RBM25: variants seen among roughly 807,000 people sequenced by gnomAD.
RBM25 encodes RNA-binding protein 25.
Under a neutral mutation model 120.7 loss-of-function variants are expected in RBM25, and 19 were observed. The ratio of observed to expected loss-of-function variants is 0.16; its 90% CI spans 0.11 to 0.23. The LOEUF (loss-of-function observed/expected upper bound fraction) is 0.23, where lower values mean the gene tolerates loss of function less well. Among genes scored for constraint, RBM25 ranks in the 10% least tolerant of loss-of-function variants. RBM25 has a pLI of 1.00. For missense variants in RBM25, 605 were observed against 1,041.5 expected, an observed-to-expected ratio of 0.58 and a Z score of 5.77; for synonymous variants, 390 against 326.7, an observed-to-expected ratio of 1.19 and a Z score of -2.09.
intron 4 of RBM25, among the ~76,000 whole-genome samples, chr14:73,078,984 A>G (rs1895492120): frequency 6.6e-6 from 1 of 152,272 alleles, no homozygotes; most frequent in East Asian, 1.9e-4. Flanking sequence ...TGATTGACTG[A>G]TTCCTTTTAA....
In RBM25 at chr14:73,071,759, G is replaced by A; in HGVS notation, c.106+12G>A. The A allele has an allele frequency of 1.9e-6, 3 of 1,588,460 alleles. No individual in the cohort carries two copies. The highest frequency in any genetic ancestry group is 2.6e-6 in the Non-Finnish European group (3 of 1,157,130). On this transcript the variant is annotated intron_variant, in intron 2 of 18. Transcript: ENST00000261973. ...ACCTGTACCTCCAGGTAAGTTTGTT[G>A]ATACTGTTTTTTGTCGTTAAACTTG...
chr14:73,103,797 G>T (rs1345804327), intron 10 of RBM25, among the ~76,000 whole-genome samples: 1 of 151,758 alleles, frequency 6.6e-6, no homozygotes, highest in Non-Finnish European at 1.5e-5. Context: ...CAAGTGATCC[G>T]CCTGCCTCAG....
chr14:73,078,180 G>A (rs1320784931), intron 4 of RBM25, among the ~76,000 whole-genome samples: 2 of 152,086 alleles, frequency 1.3e-5, no homozygotes, highest in African/African-American at 4.8e-5. Flanking sequence ...GCGTGTGCCT[G>A]TAATCTCAGC....
intron 1 of RBM25, chr14:73,068,677 T>G: frequency 8.9e-6 from 3 of 338,224 alleles, no homozygotes; most frequent in South Asian, 7.8e-5. Context: ...CACGCTTCCT[T>G]GGCTGGACTG....
intron 9 of RBM25, 139 bp downstream of exon 9, chr14:73,099,889 AAAG>A: frequency 1.6e-6 from 2 of 1,277,644 alleles, no homozygotes; most frequent in East Asian, 5.7e-5. Flanking sequence ...TAGATAGAAA[AAAG>A]AAACAGAAGA....
intron 9 of RBM25, chr14:73,101,271 T>C (rs993548960): frequency 6.6e-6 from 1 of 152,342 alleles, no homozygotes; most frequent in Non-Finnish European, 1.5e-5. Flanking sequence ...CTTTGCATGT[T>C]TTGGTATGAG....
In RBM25 at chr14:73,109,486, C is replaced by T; in HGVS notation, c.1686C>T (p.Leu562=). ...GGCATCCAGATCCAGATGCAGAGCT[C>T]CAGAGGGTAAGATACTGTACCATCT... ...AEGHPDPDAE[L]QRMEQEAERR... The change falls in exon 14 of 19, where the codon CTC becomes CTT. Residue 562 remains leucine (L), a synonymous_variant. Transcript: ENST00000261973. The T allele has an allele frequency of 1.2e-6, 2 of 1,613,916 alleles. No individual in the cohort carries two copies. Among genetic ancestry groups the T allele is most frequent in the Non-Finnish European group, 1.7e-6 (2 of 1,179,870 alleles).
intron 1 of RBM25, among the ~76,000 whole-genome samples, chr14:73,067,034 G>A (rs1200500458): frequency 1.3e-5 from 2 of 151,580 alleles, no homozygotes; most frequent in Non-Finnish European, 2.9e-5. Flanking sequence ...AGTTTTCAGG[G>A]ATGATTTTGG....
intron 9 of RBM25, chr14:73,101,175 A>G (rs1214060805): frequency 1.3e-5 from 2 of 152,172 alleles, no homozygotes; most frequent in African/African-American, 2.4e-5. Flanking sequence ...AATCAAAATG[A>G]AAAACCAAAA....
chr14:73,070,292 G>C (rs1190574541), intron 1 of RBM25, among the ~76,000 whole-genome samples: 2 of 151,960 alleles, frequency 1.3e-5, no homozygotes. Flanking sequence ...CCTGACCTCA[G>C]GTTTTCCACC....
chr14:73,082,269 C>CT lies in RBM25; in HGVS notation c.325-1217dup, dbSNP rs527793073. Among the ~76,000 whole-genome samples, 337 of 151,994 alleles carry CT rather than the reference C, an allele frequency of 2.2e-3. 1 individual carries two copies. The highest frequency in any genetic ancestry group is 7.6e-3 in the African/African-American group (317 of 41,462). ...CTCACCTACACCCTCCTCCTTCTGT[C>CT]TTTTTTTTAACTGGATGGAACTTTA... On this transcript the variant is annotated intron_variant, in intron 4 of 18. Coordinates refer to ENST00000261973, the MANE Select transcript of RBM25 (RefSeq NM_021239.3).
In RBM25 at chr14:73,115,188, GTTT is replaced by G. The variant is rs1555347334; in HGVS notation, c.2439+857_2439+859del. The stretch of plus-strand genomic sequence containing the variant: ...TGTGTGTGTGTGTGTGTGTGTGTGT[GTTT>G]TAAGTCGGATACATGTGCAGGTTTG... On this transcript the variant is annotated intron_variant, in intron 18 of 18. Transcript: ENST00000261973. Among the ~76,000 whole-genome samples, 997 of 143,026 alleles carry G rather than the reference GTTT, an allele frequency of 7.0e-3. 4 individuals are homozygous for G. The highest frequency in any genetic ancestry group is 0.011 in the Non-Finnish European group (728 of 64,746). 93.8% of individuals were successfully genotyped at this position (143,026 alleles called of 152,430 possible).
intron 1 of RBM25, among the ~76,000 whole-genome samples, chr14:73,061,676 C>T (rs747660456): frequency 6.6e-6 from 1 of 151,176 alleles, no homozygotes; most frequent in Admixed American, 6.6e-5. Context: ...AAGCAATCCT[C>T]CCACCCCAGC....
chr14:73,109,529 C>T lies in RBM25; in HGVS notation c.1692+37C>T, dbSNP rs760279256. 9.4e-6 allele frequency: 15 copies of T among 1,587,330 alleles called. No homozygotes were observed. In the Admixed American group the frequency reaches 2.0e-4, roughly 21 times the overall value. On this transcript the variant is annotated intron_variant, in intron 14 of 18. Transcript: ENST00000261973. ...TACCATCTGGTCGGGCGCGGTGGCT[C>T]ACGCCTGTAATCCCAGCTCTTTGGG... is the stretch of plus-strand genomic sequence containing the variant.
In RBM25 at chr14:73,115,153, C is replaced by CGTGTGTGTGTGT. The variant is rs33924709; in HGVS notation, c.2439+845_2439+856dup. Among the ~76,000 whole-genome samples, 383 of 146,784 alleles carry CGTGTGTGTGTGT rather than the reference C, an allele frequency of 2.6e-3. 2 individuals are homozygous for CGTGTGTGTGTGT. The highest frequency in any genetic ancestry group is 8.0e-3 in the African/African-American group (318 of 39,922). ...ACAAGGATTACTACAGGAACTGATA[C>CGTGTGTGTGTGT]GTGTGTGTGTGTGTGTGTGTGTGTG... is the stretch of plus-strand genomic sequence containing the variant. On this transcript the variant is annotated intron_variant, in intron 18 of 18. Transcript: ENST00000261973.
chr14:73,076,719 A>G (rs1835155663), intron 3 of RBM25, among the ~76,000 whole-genome samples: 1 of 113,014 alleles, frequency 8.8e-6, no homozygotes, highest in African/African-American at 2.8e-5. Flanking sequence ...CTGATCTCTT[A>G]AAAGAACATA....
intron 16 of RBM25, 148 bp downstream of exon 16, chr14:73,111,950 C>A: frequency 2.5e-6 from 3 of 1,190,342 alleles, no homozygotes; most frequent in African/African-American, 1.5e-5. Flanking sequence ...ATGCCATGGT[C>A]AAGAAATTAG....
Position 73,119,823 on chromosome 14 carries a change from G to C in RBM25, c.*18G>C, listed in dbSNP as rs758610637. On this transcript the variant is annotated 3_prime_UTR_variant, in exon 19 of 19. Coordinates refer to ENST00000261973, the MANE Select transcript of RBM25 (RefSeq NM_021239.3). ...TGAAGTAAAACTTTTTATATTTAGA[G>C]TTCCATTTCAGATTTCTTCTTTGCC... The C allele has an allele frequency of 1.3e-5, 20 of 1,590,534 alleles. No homozygotes were observed. Among genetic ancestry groups the C allele is most frequent in the Non-Finnish European group, 1.7e-5 (20 of 1,174,004 alleles).
At chr14:73,102,594 T>TG (rs1452444699) in intron 9 of RBM25, 4 of 152,266 alleles carry the variant, frequency 2.6e-5, no homozygotes, top group African/African-American at 7.2e-5. Flanking sequence ...CTTTTTGTAT[T>TG]TGGTGGGCTG....
Sources: allele counts gnomAD v4.1 joint callset (sites outside exome capture counted in the v4.1 genomes callset), GRCh38; gene constraint gnomAD v4.1.1; transcripts MANE v1.5; gene names NCBI Gene and HGNC (gene_info 2026-07-23, HGNC 2026-07-21).